Variants in ADAMTS3 observed in about 807,000 individuals in gnomAD.
ADAMTS3 encodes the protein A disintegrin and metalloproteinase with thrombospondin motifs 3.
A neutral mutation model predicts 129.0 loss-of-function variants in ADAMTS3; 73 were observed. The observed-to-expected ratio is 0.57, with a 90% CI of 0.47 to 0.69. The LOEUF is 0.69. ADAMTS3 is among the 30% of genes least tolerant of loss of function. The pLI is 0.00. For synonymous variants in ADAMTS3, 477 were observed against 510.8 expected (o/e 0.93, Z 0.89); for missense variants, 1,457 against 1,514.5 (o/e 0.96, Z 0.63).
intron 5 of ADAMTS3, among the ~76,000 whole-genome samples, chr4:72,324,814 T>C (rs961571970): frequency 3.9e-5 from 6 of 152,126 alleles, no homozygotes; most frequent in East Asian, 1.9e-4. Flanking sequence ...GAATATATCC[T>C]GAGAAGAGCT....
At chr4:72,392,844 TAGAAA>T (rs1721632744) in intron 4 of ADAMTS3, among the ~76,000 whole-genome samples, 1 of 152,002 alleles carries the variant, frequency 6.6e-6, no homozygotes, top group Admixed American at 6.6e-5. Flanking sequence ...TAGGAGGAAC[TAGAAA>T]AGAAATTTTG....
intron 5 of ADAMTS3, among the ~76,000 whole-genome samples, chr4:72,328,943 C>T (rs1719767222): frequency 6.6e-6 from 1 of 152,172 alleles, no homozygotes; most frequent in Admixed American, 6.5e-5. Flanking sequence ...TTCTCAGCCC[C>T]ATACTCAGTA....
chr4:72,546,852 G>A (rs995251239), intron 3 of ADAMTS3, among the ~76,000 whole-genome samples: 2 of 152,150 alleles, frequency 1.3e-5, no homozygotes, highest in African/African-American at 2.4e-5. Context: ...CCCAAGAAGT[G>A]TGTAAAATGC....
At chr4:72,288,553 CATG>C (rs916901657) in intron 21 of ADAMTS3, among the ~76,000 whole-genome samples, 195 bp downstream of exon 21, 1 of 152,134 alleles carries the variant, frequency 6.6e-6, no homozygotes, top group African/African-American at 2.4e-5. Context: ...CTATAGTGAT[CATG>C]ATAATTAAAA....
At chr4:72,380,848 A>G (rs965748488) in intron 4 of ADAMTS3, among the ~76,000 whole-genome samples, 2 of 152,178 alleles carry the variant, frequency 1.3e-5, no homozygotes, top group African/African-American at 4.8e-5. Flanking sequence ...CATCTTAGTA[A>G]AGTGCTTAAG....
In ADAMTS3 at chr4:72,356,800, A is replaced by G. The variant is rs191703172; in HGVS notation, c.662-17107T>C. ...TAGTTTCTATGTTTATAAATTTACAAATATATGCTAGACCTCTACACTGAA... is the reference window on the plus strand; with the variant it reads ...TAGTTTCTATGTTTATAAATTTACAGATATATGCTAGACCTCTACACTGAA... On this transcript the variant is annotated intron_variant, in intron 4 of 21. Coordinates refer to ENST00000286657, the MANE Select transcript of ADAMTS3 (RefSeq NM_014243.3). 1.5e-3 allele frequency among the ~76,000 whole-genome samples: 232 copies of G among 151,956 alleles called. 2 individuals carry two copies. The highest frequency in any genetic ancestry group is 5.4e-3 in the African/African-American group (224 of 41,522).
chr4:72,435,341 G>A (rs1722795347), intron 3 of ADAMTS3, among the ~76,000 whole-genome samples: 1 of 151,380 alleles, frequency 6.6e-6, no homozygotes. Context: ...ATAAATCTTA[G>A]CAAGTAAGCA....
chr4:72,305,903 T>C, intron 16 of ADAMTS3, 84 bp downstream of exon 16: 1 of 1,135,482 alleles, frequency 8.8e-7, no homozygotes, highest in Middle Eastern at 2.1e-4. Flanking sequence ...TGTGTACATA[T>C]ATACATATCT....
intron 4 of ADAMTS3, among the ~76,000 whole-genome samples, chr4:72,398,789 G>A (rs751785758): frequency 2.6e-5 from 4 of 152,028 alleles, no homozygotes; most frequent in Admixed American, 6.6e-5. Context: ...TAAATCTGGA[G>A]GACCCCACAA....
chr4:72,530,409 TATA>T (rs1223523095), intron 3 of ADAMTS3, among the ~76,000 whole-genome samples: 1 of 85,872 alleles, frequency 1.2e-5, no homozygotes, highest in Non-Finnish European at 2.0e-5. Flanking sequence ...ATGAATTTAA[TATA>T]TAATATATAT....
intron 3 of ADAMTS3, among the ~76,000 whole-genome samples, chr4:72,426,178 GTTGT>G (rs567286883): frequency 3.7e-4 from 56 of 152,106 alleles, no homozygotes; most frequent in Non-Finnish European, 6.6e-4. Flanking sequence ...TGTTGATGGT[GTTGT>G]TTGTTTTTTT....
At chr4:72,534,145 G>A (rs1449771493) in intron 3 of ADAMTS3, among the ~76,000 whole-genome samples, 1 of 152,098 alleles carries the variant, frequency 6.6e-6, no homozygotes, top group Non-Finnish European at 1.5e-5. Context: ...GGCTAACACG[G>A]TGAAAACCCG....
intron 3 of ADAMTS3, among the ~76,000 whole-genome samples, chr4:72,529,608 C>A (rs966399836): frequency 5.2e-5 from 7 of 135,622 alleles, no homozygotes; most frequent in Non-Finnish European, 7.7e-5. Flanking sequence ...AGGTTTGCAG[C>A]CTGGCAGCAA....
chr4:72,512,066 C>T (rs1720330102), intron 3 of ADAMTS3, among the ~76,000 whole-genome samples: 1 of 152,028 alleles, frequency 6.6e-6, no homozygotes, highest in Non-Finnish European at 1.5e-5. Context: ...AAAATCAAAA[C>T]AATTGAACTC....
chr4:72,451,114 C>T (rs1239058580), intron 3 of ADAMTS3, among the ~76,000 whole-genome samples: 1 of 151,656 alleles, frequency 6.6e-6, no homozygotes, highest in Non-Finnish European at 1.5e-5. Context: ...GATAGCATAC[C>T]CTTTCATGAA....
chr4:72,363,266 A>G (rs964706114), intron 4 of ADAMTS3, among the ~76,000 whole-genome samples: 1 of 152,162 alleles, frequency 6.6e-6, no homozygotes, highest in African/African-American at 2.4e-5. Context: ...ACTTGGTAAA[A>G]TTTGTTGGAA....
At chr4:72,410,190 G>A (rs753566880) in intron 4 of ADAMTS3, among the ~76,000 whole-genome samples, 2 of 152,114 alleles carry the variant, frequency 1.3e-5, no homozygotes, top group Admixed American at 1.3e-4. Flanking sequence ...AGGGCTCTGG[G>A]CCTAGGAAGT....
chr4:72,348,011 A>G (rs925981449), intron 4 of ADAMTS3, among the ~76,000 whole-genome samples: 12 of 152,062 alleles, frequency 7.9e-5, no homozygotes, highest in Non-Finnish European at 1.0e-4. Context: ...TCCAATATGG[A>G]ATGATTAATA....
At chr4:72,309,606 G>C (rs1203339515) in intron 14 of ADAMTS3, 86 bp from the exon 15 acceptor site, 2 of 1,470,848 alleles carry the variant, frequency 1.4e-6, no homozygotes, top group Non-Finnish European at 1.8e-6. Context: ...CCTTTGTTCA[G>C]TCATGGCCCA....
Sources: allele counts gnomAD v4.1 joint callset (sites outside exome capture counted in the v4.1 genomes callset), GRCh38; gene constraint gnomAD v4.1.1; transcripts MANE v1.5; gene names NCBI Gene and HGNC (gene_info 2026-07-23, HGNC 2026-07-21).